ADGRB3: variants seen among roughly 807,000 people sequenced by gnomAD.
ADGRB3 encodes adhesion G protein-coupled receptor B3, also known as brain-specific angiogenesis inhibitor 3.
ADGRB3 carries 37 observed loss-of-function variants against 193.4 expected under a neutral mutation model. That is an observed-to-expected ratio of 0.19 (90% CI 0.15 to 0.25). The LOEUF (loss-of-function observed/expected upper bound fraction) is 0.25, where lower values mean the gene tolerates loss of function less well. Ranked by LOEUF, ADGRB3 falls within the 10% of genes least tolerant of loss-of-function variation. ADGRB3 has a pLI of 1.00. For synonymous variants in ADGRB3, 690 were observed against 644.2 expected, an observed-to-expected ratio of 1.07 and a Z score of -1.08; for missense variants, 1,637 against 1,852.9, an observed-to-expected ratio of 0.88 and a Z score of 2.14.
intron 20 of ADGRB3, among the ~76,000 whole-genome samples, chr6:69,270,999 T>C (rs1488330543): frequency 6.6e-6 from 1 of 152,186 alleles, no homozygotes; most frequent in East Asian, 1.9e-4. Flanking sequence ...AATATTCTCC[T>C]TTAAATGCTC....
chr6:69,122,341 C>T (rs913649140), intron 17 of ADGRB3, among the ~76,000 whole-genome samples: 6 of 151,358 alleles, frequency 4.0e-5, no homozygotes, highest in South Asian at 2.1e-4. Flanking sequence ...CCCAGGCACT[C>T]GGCAGGCTGA....
intron 17 of ADGRB3, among the ~76,000 whole-genome samples, chr6:69,164,799 A>G (rs1004490224): frequency 3.9e-5 from 6 of 152,122 alleles, no homozygotes; most frequent in African/African-American, 1.4e-4. Flanking sequence ...CAGCAGTTAC[A>G]CAATCATAAT....
chr6:69,335,813 GGTT>G (rs1214457899), intron 24 of ADGRB3, among the ~76,000 whole-genome samples: 4 of 151,900 alleles, frequency 2.6e-5, no homozygotes, highest in Non-Finnish European at 5.9e-5. Flanking sequence ...TTTACAACTA[GGTT>G]GTTATTAAAA....
intron 29 of ADGRB3, among the ~76,000 whole-genome samples, chr6:69,368,008 G>C (rs1368543817): frequency 3.5e-5 from 4 of 115,468 alleles, no homozygotes; most frequent in Non-Finnish European, 6.9e-5. Context: ...GGTGGGGGGA[G>C]GGGGGAGGGA....
At chr6:69,184,493 G>T (rs946248050) in intron 17 of ADGRB3, among the ~76,000 whole-genome samples, 2 of 152,014 alleles carry the variant, frequency 1.3e-5, no homozygotes, top group African/African-American at 4.8e-5. Context: ...ATGTACCTTG[G>T]TTGTACATGA....
intron 3 of ADGRB3, among the ~76,000 whole-genome samples, chr6:68,675,230 C>T (rs900394970): frequency 4.6e-5 from 7 of 152,074 alleles, no homozygotes; most frequent in African/African-American, 1.7e-4. Flanking sequence ...ATCACCTCTT[C>T]CAGGTTTGCA....
In ADGRB3 at chr6:69,338,355, C is replaced by T. The variant is rs147923588; in HGVS notation, c.3189-561C>T. ...CATCAGCCCCTATATTCAGATCATC[C>T]TAAAATGTGGACGATACATATTATA... is the stretch of plus-strand genomic sequence containing the variant. On this transcript the variant is annotated intron_variant, in intron 24 of 31. Coordinates refer to ENST00000370598, the MANE Select transcript of ADGRB3 (RefSeq NM_001704.3). 9.7e-4 allele frequency among the ~76,000 whole-genome samples: 148 copies of T among 152,170 alleles called. 1 individual carries two copies. Among genetic ancestry groups the T allele is most frequent in the African/African-American group, 3.4e-3 (141 of 41,510 alleles).
At chr6:69,181,532 TAAATTATCTTTG>T (rs1412743024) in intron 17 of ADGRB3, among the ~76,000 whole-genome samples, 1 of 152,184 alleles carries the variant, frequency 6.6e-6, no homozygotes, top group Non-Finnish European at 1.5e-5. Flanking sequence ...ACCTAGAAGC[TAAATTATCTTTG>T]AATTTTTTGG....
At chr6:68,947,458 C>T (rs1013039837) in intron 6 of ADGRB3, among the ~76,000 whole-genome samples, 8 of 151,802 alleles carry the variant, frequency 5.3e-5, no homozygotes, top group African/African-American at 1.2e-4. Flanking sequence ...TCTATATATA[C>T]CTGGTGGAAA....
intron 17 of ADGRB3, among the ~76,000 whole-genome samples, chr6:69,151,851 A>G (rs998833592): frequency 6.6e-6 from 1 of 152,138 alleles, no homozygotes; most frequent in African/African-American, 2.4e-5. Flanking sequence ...GTGCCATGGG[A>G]GGGACCCAGT....
rs144437556 is a variant in ADGRB3 at position 68,853,464 on chromosome 6, AG to A, written c.758-77093del. 1.6e-3 allele frequency among the ~76,000 whole-genome samples: 250 copies of A among 152,226 alleles called. 3 individuals carry two copies. The highest frequency in any genetic ancestry group is 5.8e-3 in the African/African-American group (241 of 41,588). On this transcript the variant is annotated intron_variant, in intron 3 of 31. Transcript: ENST00000370598. Reference sequence around the variant, plus strand: ...GATTCTTAGCTGTCTAGGTAAAAACAGGTTTTCATTACTGGAGAAAATATGA... The same window carrying A: ...GATTCTTAGCTGTCTAGGTAAAAACAGTTTTCATTACTGGAGAAAATATGA...
At chr6:69,255,877 G>A (rs529794209) in intron 20 of ADGRB3, among the ~76,000 whole-genome samples, 1 of 152,276 alleles carries the variant, frequency 6.6e-6, no homozygotes, top group African/African-American at 2.4e-5. Flanking sequence ...ATTAATTTTT[G>A]TATAAGGTGT....
chr6:69,298,132 A>G (rs181533006), intron 20 of ADGRB3, among the ~76,000 whole-genome samples: 245 of 152,146 alleles, frequency 1.6e-3, no homozygotes, highest in African/African-American at 5.7e-3. Flanking sequence ...TTTCATCTAA[A>G]TAGGGGAGAA....
intron 26 of ADGRB3, among the ~76,000 whole-genome samples, chr6:69,342,426 T>A (rs2127321240): frequency 6.6e-6 from 1 of 152,248 alleles, no homozygotes; most frequent in South Asian, 2.1e-4. Context: ...ATAGGGCAAG[T>A]CTGCTTCAGA....
intron 10 of ADGRB3, among the ~76,000 whole-genome samples, chr6:68,983,401 G>A (rs1768982532): frequency 6.6e-6 from 1 of 150,594 alleles, no homozygotes; most frequent in Admixed American, 6.6e-5. Context: ...GCCTGATCTT[G>A]TCTGAAAGTT....
intron 17 of ADGRB3, among the ~76,000 whole-genome samples, chr6:69,094,350 A>G: frequency 6.6e-6 from 1 of 152,342 alleles, no homozygotes; most frequent in Non-Finnish European, 1.5e-5. Flanking sequence ...TGAAATGATT[A>G]AAGATGTAGT....
In ADGRB3 at chr6:68,702,433, G is replaced by A. The variant is rs538204019; in HGVS notation, c.757+63001G>A. 7.2e-5 allele frequency among the ~76,000 whole-genome samples: 11 copies of A among 152,216 alleles called. 1 individual carries two copies. The South Asian group carries it at 8.3e-4, about 11-fold the overall frequency. On this transcript the variant is annotated intron_variant, in intron 3 of 31. Coordinates refer to ENST00000370598, the MANE Select transcript of ADGRB3 (RefSeq NM_001704.3). ...TTTGGTGGGGACACAGATCCAAACCGTATCAGCAGGATTGATAAATTGCTT... is the reference window on the plus strand; with the variant it reads ...TTTGGTGGGGACACAGATCCAAACCATATCAGCAGGATTGATAAATTGCTT...
chr6:69,157,046 T>C (rs1373174403), intron 17 of ADGRB3, among the ~76,000 whole-genome samples: 1 of 152,210 alleles, frequency 6.6e-6, no homozygotes, highest in Non-Finnish European at 1.5e-5. Flanking sequence ...GCATCCATGC[T>C]GGACGCAAAC....
chr6:68,755,769 G>A (rs1033757651), intron 3 of ADGRB3, among the ~76,000 whole-genome samples: 1 of 152,140 alleles, frequency 6.6e-6, no homozygotes, highest in African/African-American at 2.4e-5. Context: ...GTGCCAGGAA[G>A]TGGAGAGTCT....
Sources: allele counts gnomAD v4.1 joint callset (sites outside exome capture counted in the v4.1 genomes callset), GRCh38; gene constraint gnomAD v4.1.1; transcripts MANE v1.5; gene names NCBI Gene and HGNC (gene_info 2026-07-23, HGNC 2026-07-21).